The following PPHLN1 variants were observed in gnomAD, a reference collection of about 807,000 sequenced individuals.
PPHLN1 encodes the protein periphilin-1.
In PPHLN1, 29 loss-of-function variants were observed where a neutral mutation model predicts 51.3. The observed-to-expected ratio is 0.57, with a 90% confidence interval of 0.42 to 0.77. PPHLN1 has a LOEUF of 0.77. PPHLN1 is among the 30% of genes least tolerant of loss of function. PPHLN1 has a pLI of 0.00. For missense variants in PPHLN1, 436 were observed against 438.4 expected (o/e 0.99, Z 0.05); for synonymous variants, 147 against 147.8 (o/e 0.99, Z 0.04).
At chr12:42,385,929 A>G (rs1228447355) in intron 6 of PPHLN1, among the ~76,000 whole-genome samples, 2 of 152,204 alleles carry the variant, frequency 1.3e-5, no homozygotes, top group Non-Finnish European at 2.9e-5. Context: ...ATGGAAATAC[A>G]ATAAGGAATG....
chr12:42,340,226 T>A lies in PPHLN1; in HGVS notation c.72+4252T>A, dbSNP rs1565751848. Among the ~76,000 whole-genome samples the A allele has an allele frequency of 2.0e-5, 3 of 151,734 alleles. No homozygotes were observed. In the South Asian group the frequency reaches 6.2e-4, roughly 32 times the overall value. On this transcript the variant is annotated intron_variant, in intron 2 of 9. Coordinates refer to ENST00000358314, the MANE Select transcript of PPHLN1 (RefSeq NM_201439.2). ...TGGGAAGCTGAGGCAGGAGGATTGC[T>A]TGAGCCCAGGAAGTTGAGGCTGCAG...
chr12:42,400,550 T>C (rs2078722409), intron 9 of PPHLN1: 3 of 151,442 alleles, frequency 2.0e-5, no homozygotes, highest in Admixed American at 2.0e-4. Context: ...GAGTAGTCCC[T>C]AACTACTGTA....
At chr12:42,409,655 C>T (rs369787919) in intron 9 of PPHLN1, among the ~76,000 whole-genome samples, 44 of 150,586 alleles carry the variant, frequency 2.9e-4, no homozygotes, top group African/African-American at 1.0e-3. Context: ...TATTTCCTCC[C>T]ATTGAAAACT....
At chr12:42,343,956 A>G (rs191188229) in intron 2 of PPHLN1, 1 of 404,162 alleles carries the variant, frequency 2.5e-6, no homozygotes, top group East Asian at 8.9e-5. Context: ...GTCATAGACT[A>G]TAGGGATCAG....
intron 9 of PPHLN1, among the ~76,000 whole-genome samples, chr12:42,410,059 C>G (rs1414820447): frequency 6.6e-6 from 1 of 151,980 alleles, no homozygotes; most frequent in Non-Finnish European, 1.5e-5. Flanking sequence ...TTAAATAGTA[C>G]TCATTGTAAA....
intron 5 of PPHLN1, chr12:42,375,311 A>C: frequency 3.4e-6 from 1 of 291,412 alleles, no homozygotes; most frequent in East Asian, 5.9e-5. Context: ...TCAGCATGTA[A>C]AAGGTTTTTT....
At chr12:42,330,035 A>G (rs1461748436) in intron 1 of PPHLN1, 4 of 152,208 alleles carry the variant, frequency 2.6e-5, no homozygotes, top group African/African-American at 9.7e-5. Context: ...GTCAGCAAGA[A>G]AACGTGAGCA....
At chr12:42,382,753 G>A (rs1043956977) in intron 5 of PPHLN1, among the ~76,000 whole-genome samples, 5 of 152,320 alleles carry the variant, frequency 3.3e-5, no homozygotes, top group African/African-American at 1.2e-4. Context: ...CTATGAAGAT[G>A]TAAGGGTGCA....
At chr12:42,358,661 C>T (rs1233780390) in intron 4 of PPHLN1, among the ~76,000 whole-genome samples, 1 of 152,212 alleles carries the variant, frequency 6.6e-6, no homozygotes, top group Non-Finnish European at 1.5e-5. Context: ...CTGCCTTGGT[C>T]TCCCAGAGTG....
intron 4 of PPHLN1, chr12:42,355,743 TCCGTCTA>T (rs368042402): frequency 0.18 from 23,387 of 130,524 alleles, 1,895 homozygotes; most frequent in Admixed American, 0.24. Context: ...AGAGTGAGAC[TCCGTCTA>T]AAAAAAAAAA....
chr12:42,374,220 ATTG>A (rs2076045179), intron 4 of PPHLN1, among the ~76,000 whole-genome samples: 2 of 152,276 alleles, frequency 1.3e-5, no homozygotes, highest in East Asian at 3.9e-4. Context: ...TGTGTGGTGT[ATTG>A]TTAATGGCAA....
intron 4 of PPHLN1, 105 bp downstream of exon 4, chr12:42,355,327 G>A (rs2073910766): frequency 9.9e-7 from 1 of 1,014,644 alleles, no homozygotes; most frequent in Non-Finnish European, 1.5e-6. Context: ...ATTTTACTGG[G>A]ATTTTAAATT....
chr12:42,340,286 G>A (rs192547681), intron 2 of PPHLN1, among the ~76,000 whole-genome samples: 1 of 150,310 alleles, frequency 6.7e-6, no homozygotes, highest in Non-Finnish European at 1.5e-5. Flanking sequence ...TTGAAGCCTG[G>A]GCAACAGAGG....
chr12:42,431,877 C>T, intron 9 of PPHLN1: 1 of 1,590,396 alleles, frequency 6.3e-7, no homozygotes. Flanking sequence ...CAGATTCAGT[C>T]ATTCCATCCA....
intron 9 of PPHLN1, chr12:42,433,248 C>T (rs948386342): frequency 1.4e-6 from 1 of 719,786 alleles, no homozygotes; most frequent in Non-Finnish European, 2.6e-6. Context: ...TACTTCATCT[C>T]CTTCACTAAT....
intron 8 of PPHLN1, among the ~76,000 whole-genome samples, chr12:42,394,807 A>G (rs1180609561): frequency 1.3e-5 from 2 of 152,090 alleles, no homozygotes; most frequent in Non-Finnish European, 2.9e-5. Context: ...TAATACATTT[A>G]ATTGGATTAT....
chr12:42,414,189 C>T (rs926188283), intron 9 of PPHLN1, among the ~76,000 whole-genome samples: 58 of 152,202 alleles, frequency 3.8e-4, no homozygotes, highest in African/African-American at 1.3e-3. Context: ...CACCTGCCAC[C>T]ATGCCCGGCT....
chr12:42,355,142 T>C lies in PPHLN1; in HGVS notation c.238-19T>C. The C allele has an allele frequency of 6.2e-7, 1 of 1,611,962 alleles. No homozygotes were observed. The highest frequency in any genetic ancestry group is 8.5e-7 in the Non-Finnish European group (1 of 1,178,566). ...AAAATAATGTAAACAAATAGCTAAG[T>C]AGCTTTTTTATGTTACAGGATGAAT... On this transcript the variant is annotated intron_variant, in intron 3 of 9. Coordinates refer to ENST00000358314, the MANE Select transcript of PPHLN1 (RefSeq NM_201439.2).
chr12:42,440,780 T>C (rs2082874141), intron 9 of PPHLN1, among the ~76,000 whole-genome samples: 1 of 152,266 alleles, frequency 6.6e-6, no homozygotes, highest in South Asian at 2.1e-4. Context: ...GGTTTCGCCA[T>C]GTTGGCCAGG....
Sources: gnomAD v4.1 joint callset for allele counts (sites outside exome capture counted in the v4.1 genomes callset) on GRCh38, gnomAD v4.1.1 for gene constraint, MANE v1.5 for transcripts, NCBI Gene and HGNC (gene_info 2026-07-23, HGNC 2026-07-21) for gene names.